The following BIN1 variants were observed in gnomAD, a reference collection of about 807,000 sequenced individuals.
BIN1 encodes bridging integrator 1, also known as myc box-dependent-interacting protein 1.
BIN1 carries 53 observed loss-of-function variants against 82.0 expected under a neutral mutation model. The observed-to-expected ratio is 0.65, with a 90% CI of 0.52 to 0.81. The LOEUF (loss-of-function observed/expected upper bound fraction) is 0.81. Ranked by LOEUF, BIN1 falls within the 40% of genes least tolerant of loss-of-function variation. The probability of loss-of-function intolerance (pLI) is 0.00; values close to 1 mark genes in which losing one functional copy is unlikely to be tolerated. For synonymous variants in BIN1, 302 were observed against 328.0 expected (o/e 0.92, Z 0.86); for missense variants, 642 against 784.4 (o/e 0.82, Z 2.17).
In BIN1 at chr2:127,067,068, CAAAAAAAAA is replaced by C. The variant is rs5834162; in HGVS notation, c.612+1086_612+1094del. 8.7e-6 allele frequency among the ~76,000 whole-genome samples: 1 copy of C among 115,312 alleles called. No homozygotes were observed. The highest frequency in any genetic ancestry group is 9.0e-5 in the Admixed American group (1 of 11,074). 75.6% of individuals were successfully genotyped at this position (115,312 alleles called of 152,430 possible). A position where few individuals can be genotyped will look rare whatever the true frequency, so the allele number is the denominator to read the frequency against. ...CCAGGGGAACGGAGAGAAACCCGTT[CAAAAAAAAA>C]AAAAAAATAGAAAAAGAAATTGGAC... On this transcript the variant is annotated intron_variant, in intron 7 of 18. Coordinates refer to ENST00000316724, the MANE Select transcript of BIN1 (RefSeq NM_139343.3). This position sits in a 1 kb window ranked among gnomAD's most constrained non-coding sequence, Gnocchi z 4.7.
intron 10 of BIN1, chr2:127,060,454 C>T: frequency 7.8e-7 from 1 of 1,287,072 alleles, no homozygotes; most frequent in East Asian, 2.4e-5. Flanking sequence ...ACCCAACACG[C>T]ACACGACAGC....
chr2:127,106,912 G>T lies in BIN1; in HGVS notation c.32C>A (p.Ala11Glu). MAEMGSKGVT[A>E]GKIASNVQKK... is the part of the protein sequence containing the mutation. Reference sequence around the variant, plus strand: ...CTGCACGTTGCTGGCGATCTTTCCCGCCGTCACCCCTTTACTGCCCATCTC... The same window carrying T: ...CTGCACGTTGCTGGCGATCTTTCCCTCCGTCACCCCTTTACTGCCCATCTC... Residue 11 changes from alanine to glutamate, a missense_variant, in exon 1 of 19, where the codon GCG becomes GAG. By Grantham distance (107) the Ala-to-Glu change is moderately radical. Coordinates refer to ENST00000316724, the MANE Select transcript of BIN1 (RefSeq NM_139343.3). 1.2e-6 allele frequency: 2 copies of T among 1,612,586 alleles called. No individual in the cohort carries two copies. The highest frequency in any genetic ancestry group is 1.1e-5 in the South Asian group (1 of 90,968).
At position 127,052,375 on chromosome 2, in the gene BIN1, C is replaced by A; in HGVS notation, c.1264-13G>T. The A allele has an allele frequency of 6.4e-7, 1 of 1,567,624 alleles. No homozygotes were observed. The highest frequency in any genetic ancestry group is 8.6e-7 in the Non-Finnish European group (1 of 1,156,380). ...GACTCTCTGTGGGCTGGTAACAGGCCACGAGGAGAGAACAGGGAGGGGGCG... is the reference window on the plus strand; with the variant it reads ...GACTCTCTGTGGGCTGGTAACAGGCAACGAGGAGAGAACAGGGAGGGGGCG... On this transcript the variant is annotated splice_polypyrimidine_tract_variant and intron_variant, in intron 14 of 18. Coordinates refer to ENST00000316724, the MANE Select transcript of BIN1 (RefSeq NM_139343.3).
At chr2:127,074,016 T>C (rs1193107985) in intron 2 of BIN1, among the ~76,000 whole-genome samples, 1 of 152,072 alleles carries the variant, frequency 6.6e-6, no homozygotes, top group Non-Finnish European at 1.5e-5. Flanking sequence ...CAGGCTGATC[T>C]ACACCCTCTC....
intron 14 of BIN1, chr2:127,052,573 C>T (rs1683102887): frequency 1.7e-6 from 1 of 591,260 alleles, no homozygotes; most frequent in South Asian, 2.0e-5. Context: ...ACTGTGCTGC[C>T]CAAGCTCAGC....
chr2:127,053,880 A>G, intron 13 of BIN1, 25 bp downstream of exon 13: 2 of 1,548,140 alleles, frequency 1.3e-6, no homozygotes, highest in Non-Finnish European at 1.7e-6. Context: ...TGGTGGGCCC[A>G]TGGGCAGTGG....
intron 1 of BIN1, among the ~76,000 whole-genome samples, chr2:127,088,320 G>T (rs1002889328): frequency 6.6e-6 from 1 of 152,202 alleles, no homozygotes; most frequent in Non-Finnish European, 1.5e-5. Context: ...ACTCAGCAAC[G>T]TGCCCTGGTG....
Position 127,067,701 on chromosome 2 carries a change from C to A in BIN1, c.612+462G>T, listed in dbSNP as rs1685327385. ...ACCCTGCCCCTAACCGGCTCTGGGG[C>A]CCTGGGAGGAGGCTGTGATGTGCCT... On this transcript the variant is annotated intron_variant, in intron 7 of 18. Transcript: ENST00000316724. The surrounding 1 kb of genome is among the most constrained non-coding windows in gnomAD (Gnocchi z 4.7). Among the ~76,000 whole-genome samples, 1 of 152,200 alleles carries A rather than the reference C, an allele frequency of 6.6e-6. No homozygotes were observed. Among genetic ancestry groups the A allele is most frequent in the Non-Finnish European group, 1.5e-5 (1 of 68,028 alleles).
chr2:127,087,630 C>T (rs1678352725), intron 1 of BIN1, among the ~76,000 whole-genome samples: 1 of 152,202 alleles, frequency 6.6e-6, no homozygotes, highest in Non-Finnish European at 1.5e-5. Context: ...AAGGGCAGTG[C>T]AGGACGGACG....
chr2:127,080,212 A>C (rs1687119191), intron 1 of BIN1, among the ~76,000 whole-genome samples: 1 of 152,226 alleles, frequency 6.6e-6, no homozygotes. Context: ...CCTGCCCCAG[A>C]ACAGGAGCTG....
At chr2:127,094,769 C>T (rs1248124346) in intron 1 of BIN1, among the ~76,000 whole-genome samples, 2 of 152,254 alleles carry the variant, frequency 1.3e-5, no homozygotes, top group Non-Finnish European at 2.9e-5. Flanking sequence ...CCGCCCAGCC[C>T]TGCAGCCCAC....
Position 127,070,582 on chromosome 2 carries a change from C to A in BIN1, c.286G>T (p.Gly96Cys), listed in dbSNP as rs769724273. Reference protein sequence around the residue: ...LQEVYEPDWPGRDEANKIAEN... With the variant: ...LQEVYEPDWPCRDEANKIAEN... Reference sequence around the variant, plus strand: ...GCGATCTTGTTTGCCTCATCCCTGCCGGGCCAATCGGGCTCATACACCTCC... The same window carrying A: ...GCGATCTTGTTTGCCTCATCCCTGCAGGGCCAATCGGGCTCATACACCTCC... Residue 96 changes from glycine (G) to cysteine (C), a missense_variant, in exon 4 of 19, where the codon GGC (glycine) becomes TGC (cysteine). Transcript: ENST00000316724. 6.2e-7 allele frequency: 1 copy of A among 1,614,080 alleles called. No individual in the cohort carries two copies. The highest frequency in any genetic ancestry group is 8.5e-7 in the Non-Finnish European group (1 of 1,180,008).
rs1679041381 is a variant in BIN1 at position 127,092,308 on chromosome 2, C to T, written c.84+14552G>A. 3.3e-5 allele frequency among the ~76,000 whole-genome samples: 5 copies of T among 152,192 alleles called. 1 individual carries two copies. The highest frequency in any genetic ancestry group is 3.3e-4 in the Admixed American group (5 of 15,284). On this transcript the variant is annotated intron_variant, in intron 1 of 18. Transcript: ENST00000316724. ...TGGGGGACAAATGCACTGCCCCTCC[C>T]CACCCGATTAAGGATGTCAGCACAC... is the stretch of plus-strand genomic sequence containing the variant.
intron 1 of BIN1, among the ~76,000 whole-genome samples, chr2:127,104,821 G>A (rs1213558669): frequency 6.6e-6 from 1 of 152,206 alleles, no homozygotes; most frequent in Non-Finnish European, 1.5e-5. Context: ...GCAACCCAAA[G>A]GGAGGGGAAG....
At position 127,059,349 on chromosome 2, in the gene BIN1, G is replaced by A. The variant is rs978349981; in HGVS notation, c.858-194C>T. On this transcript the variant is annotated intron_variant, in intron 10 of 18. Transcript: ENST00000316724. This position sits in a 1 kb window ranked among gnomAD's most constrained non-coding sequence, Gnocchi z 6.7. ...CCAAGGGACCTGGGCTTGGGGGGCT[G>A]GAAGTGGGAAGCCTGCCTCAGAAAC... Among the ~76,000 whole-genome samples the A allele has an allele frequency of 6.6e-6, 1 of 151,898 alleles. No individual in the cohort carries two copies. The highest frequency in any genetic ancestry group is 1.5e-5 in the Non-Finnish European group (1 of 67,946).
intron 1 of BIN1, among the ~76,000 whole-genome samples, chr2:127,104,920 G>C (rs565132362): frequency 1.3e-5 from 2 of 152,200 alleles, no homozygotes; most frequent in Non-Finnish European, 2.9e-5. Context: ...ACTAGTCTCC[G>C]GCAGGCAGAG....
At chr2:127,073,031 C>A (rs147684236) in intron 2 of BIN1, among the ~76,000 whole-genome samples, 1 of 152,250 alleles carries the variant, frequency 6.6e-6, no homozygotes, top group African/African-American at 2.4e-5. Context: ...CACCTCCCCC[C>A]CACAGCAGGG....
chr2:127,057,507 A>G lies in BIN1; in HGVS notation c.1097T>C (p.Phe366Ser). 1.3e-6 allele frequency: 2 copies of G among 1,548,016 alleles called. No individual in the cohort carries two copies. Among genetic ancestry groups the G allele is most frequent in the Non-Finnish European group, 1.7e-6 (2 of 1,144,586 alleles). ...GGTGGTCACGCTGATCTCAGGGACA[A>G]ACGTGTCCTCAAACAGGCTGAGGAT... ...EQILSLFEDTFVPEISVTTPS... is the reference protein window; with the variant it reads ...EQILSLFEDTSVPEISVTTPS... Residue 366 changes from phenylalanine (F) to serine (S), a missense_variant, in exon 12 of 19, where the codon TTT (phenylalanine) becomes TCT (serine). By Grantham distance (155) the Phe-to-Ser change is radical. Coordinates refer to ENST00000316724, the MANE Select transcript of BIN1 (RefSeq NM_139343.3). The surrounding 1 kb of genome is among the most constrained non-coding windows in gnomAD (Gnocchi z 5.0).
At chr2:127,101,006 T>TG (rs368156938) in intron 1 of BIN1, among the ~76,000 whole-genome samples, 5 of 109,262 alleles carry the variant, frequency 4.6e-5, no homozygotes, top group Admixed American at 2.5e-4. Flanking sequence ...GTGCGGGGGG[T>TG]GGGGATAGAC....
Sources: allele counts gnomAD v4.1 joint callset (sites outside exome capture counted in the v4.1 genomes callset), GRCh38; gene constraint gnomAD v4.1.1; non-coding constraint Gnocchi (gnomAD v3.1); transcripts MANE v1.5; gene names NCBI Gene and HGNC (gene_info 2026-07-23, HGNC 2026-07-21).